PXYLP1: variants seen among roughly 807,000 people sequenced by gnomAD.
PXYLP1 encodes the protein 2-phosphoxylose phosphatase 1.
Under a neutral mutation model 37.9 loss-of-function variants are expected in PXYLP1, and 17 were observed. The observed-to-expected ratio is 0.45, with a 90% CI of 0.31 to 0.67. The LOEUF (loss-of-function observed/expected upper bound fraction) is 0.67. Among genes scored for constraint, PXYLP1 ranks in the 30% least tolerant of loss-of-function variants. The pLI is 0.07. For synonymous variants in PXYLP1, 221 were observed against 232.2 expected, an observed-to-expected ratio of 0.95 and a Z score of 0.44; for missense variants, 511 against 612.0, an observed-to-expected ratio of 0.84 and a Z score of 1.74.
At chr3:141,271,162 C>T (rs1367472457) in intron 2 of PXYLP1, among the ~76,000 whole-genome samples, 1 of 152,216 alleles carries the variant, frequency 6.6e-6, no homozygotes, top group Non-Finnish European at 1.5e-5. Context: ...GTATCATCAC[C>T]TTCATTTGAC....
At chr3:141,245,045 CTTTTT>C (rs10546747) in intron 1 of PXYLP1, among the ~76,000 whole-genome samples, 112 of 106,156 alleles carry the variant, frequency 1.1e-3, no homozygotes, top group Middle Eastern at 6.8e-3. Context: ...CACTAACTCC[CTTTTT>C]TTTTTTTTTT....
At chr3:141,290,394 T>C (rs942514277) in intron 5 of PXYLP1, among the ~76,000 whole-genome samples, 1 of 152,150 alleles carries the variant, frequency 6.6e-6, no homozygotes, top group East Asian at 1.9e-4. Context: ...TGAGGTAGCA[T>C]GTGTAGAGTG....
At chr3:141,248,578 T>TATACACACACGTGTATATGTATATACAC (rs1941027401) in intron 1 of PXYLP1, among the ~76,000 whole-genome samples, 1 of 74,376 alleles carries the variant, frequency 1.3e-5, no homozygotes, top group African/African-American at 1.4e-4. Context: ...TATACACACA[T>TATACACACACGTGTATATGTATATACAC]GTATATATAC....
chr3:141,240,241 C>T (rs1940762591), intron 1 of PXYLP1, among the ~76,000 whole-genome samples: 1 of 152,180 alleles, frequency 6.6e-6, no homozygotes, highest in African/African-American at 2.4e-5. Context: ...CCCAGTTAAA[C>T]GGGCCATGTG....
At chr3:141,280,611 C>G (rs1289682116) in intron 4 of PXYLP1, among the ~76,000 whole-genome samples, 1 of 152,142 alleles carries the variant, frequency 6.6e-6, no homozygotes, top group Non-Finnish European at 1.5e-5. Context: ...TAATAGTTGA[C>G]TCATCATTAT....
intron 1 of PXYLP1, among the ~76,000 whole-genome samples, chr3:141,243,230 C>A (rs753665242): frequency 6.6e-6 from 1 of 152,164 alleles, no homozygotes; most frequent in Non-Finnish European, 1.5e-5. Flanking sequence ...ATGATACAGC[C>A]ACAAGGACCC....
chr3:141,245,598 T>C (rs1940917212), intron 1 of PXYLP1, among the ~76,000 whole-genome samples: 1 of 152,172 alleles, frequency 6.6e-6, no homozygotes. Context: ...TTATTTTAGT[T>C]TATTTGTGTC....
chr3:141,269,582 A>G (rs947959999), intron 2 of PXYLP1, among the ~76,000 whole-genome samples: 13 of 152,214 alleles, frequency 8.5e-5, no homozygotes, highest in Middle Eastern at 3.4e-3. Flanking sequence ...GGACTTCTGC[A>G]TTGTCCCATG....
intron 1 of PXYLP1, among the ~76,000 whole-genome samples, chr3:141,248,333 T>G (rs2148707981): frequency 6.6e-6 from 1 of 152,078 alleles, no homozygotes; most frequent in South Asian, 2.1e-4. Context: ...GCCTGGCCTC[T>G]TAAGAGTCTT....
chr3:141,279,250 C>A (rs2148815753), intron 3 of PXYLP1, 128 bp from the exon 4 acceptor site: 1 of 1,192,248 alleles, frequency 8.4e-7, no homozygotes, highest in Non-Finnish European at 1.2e-6. Flanking sequence ...TCTGCAAACC[C>A]ACGGTGGCCC....
intron 1 of PXYLP1, among the ~76,000 whole-genome samples, chr3:141,244,621 T>A (rs1940892647): frequency 6.7e-6 from 1 of 149,670 alleles, no homozygotes. Context: ...TTTCTGTCTT[T>A]TGTTTTTAAC....
chr3:141,265,055 T>C (rs897428707), intron 2 of PXYLP1, among the ~76,000 whole-genome samples: 1 of 151,610 alleles, frequency 6.6e-6, no homozygotes, highest in Non-Finnish European at 1.5e-5. Flanking sequence ...AAAGCAGGAG[T>C]GGTCAAGGAG....
intron 4 of PXYLP1, among the ~76,000 whole-genome samples, chr3:141,281,193 G>A (rs1941945800): frequency 6.6e-6 from 1 of 152,190 alleles, no homozygotes; most frequent in Admixed American, 6.5e-5. Flanking sequence ...CTTCTATCAT[G>A]TGCCAGGTAC....
chr3:141,270,397 A>G (rs1941633077), intron 2 of PXYLP1, among the ~76,000 whole-genome samples: 1 of 152,252 alleles, frequency 6.6e-6, no homozygotes, highest in African/African-American at 2.4e-5. Context: ...AGAGGCAGAT[A>G]ACAACTGTGG....
At chr3:141,264,789 T>A (rs1365523415) in intron 2 of PXYLP1, among the ~76,000 whole-genome samples, 1 of 152,244 alleles carries the variant, frequency 6.6e-6, no homozygotes, top group Non-Finnish European at 1.5e-5. Context: ...GTGCCTTGGT[T>A]TCCCCATCTG....
chr3:141,254,954 TGTG>T (rs1217235007), intron 1 of PXYLP1, among the ~76,000 whole-genome samples: 1 of 152,196 alleles, frequency 6.6e-6, no homozygotes, highest in Non-Finnish European at 1.5e-5. Context: ...TGTCACTAGA[TGTG>T]GTGTTTTCAG....
chr3:141,284,601 T>C (rs529911765), intron 4 of PXYLP1, among the ~76,000 whole-genome samples: 8 of 152,232 alleles, frequency 5.3e-5, no homozygotes, highest in African/African-American at 1.9e-4. Context: ...AAGTCCCTTA[T>C]GTAAAATGGT....
rs1941025493 is a variant in PXYLP1 at position 141,248,563 on chromosome 3, ATATATATACACACATG to A, written c.-53-11545_-53-11530del. On this transcript the variant is annotated intron_variant, in intron 1 of 5. Coordinates refer to ENST00000286353, the MANE Select transcript of PXYLP1 (RefSeq NM_001037172.3). ...CACACACGTATATATACACACGTGT[ATATATATACACACATG>A]TATATATACACACACGTGTATATAT... 3.8e-5 allele frequency among the ~76,000 whole-genome samples: 5 copies of A among 132,634 alleles called. 1 individual carries two copies. In the East Asian group the frequency reaches 1.1e-3, roughly 30 times the overall value. 87.0% of individuals were successfully genotyped at this position (132,634 alleles called of 152,430 possible).
chr3:141,256,324 T>C (rs1205792397), intron 1 of PXYLP1, among the ~76,000 whole-genome samples: 1 of 152,180 alleles, frequency 6.6e-6, no homozygotes, highest in African/African-American at 2.4e-5. Flanking sequence ...GTGGAGCCAG[T>C]TGTCAAGACA....
Sources: allele counts gnomAD v4.1 joint callset (sites outside exome capture counted in the v4.1 genomes callset), GRCh38; gene constraint gnomAD v4.1.1; transcripts MANE v1.5; gene names NCBI Gene and HGNC (gene_info 2026-07-23, HGNC 2026-07-21).